LRRC63: variants seen among roughly 807,000 people sequenced by gnomAD.
The protein encoded by LRRC63 is leucine rich repeat containing 63, also known as leucine-rich repeat-containing protein 63.
A neutral mutation model predicts 49.5 loss-of-function variants in LRRC63; 40 were observed. The observed-to-expected ratio is 0.81, with a 90% confidence interval of 0.63 to 1.05. The LOEUF is 1.05. Ranked by LOEUF, LRRC63 falls within the 50% of genes least tolerant of loss-of-function variation. The pLI, the probability that LRRC63 is intolerant of heterozygous loss-of-function variation, is 0.00. For synonymous variants in LRRC63, 191 were observed against 221.1 expected (o/e 0.86, Z 1.21); for missense variants, 636 against 663.1 (o/e 0.96, Z 0.45).
At position 46,230,521 on chromosome 13, in the gene LRRC63, G is replaced by A. The variant is rs536215441; in HGVS notation, c.832+1788G>A. Among the ~76,000 whole-genome samples, 11 of 152,256 alleles carry A rather than the reference G, an allele frequency of 7.2e-5. No individual in the cohort carries two copies. The South Asian group carries it at 1.5e-3, about 20-fold the overall frequency. ...GCTTTCAGTCTATGGCTAAAGGCCC[G>A]AGAGCCCCTGGCAAACCACTGATGT... On this transcript the variant is annotated intron_variant, in intron 4 of 9. Coordinates refer to ENST00000595396, the Ensembl canonical transcript of LRRC63.
chr13:46,249,717 G>A (rs1264102155), intron 6 of LRRC63, among the ~76,000 whole-genome samples: 4 of 151,684 alleles, frequency 2.6e-5, no homozygotes, highest in Non-Finnish European at 4.4e-5. Flanking sequence ...ACCAATTTTG[G>A]ACCTTTATGA....
chr13:46,219,732 G>T (rs897238284), intron 2 of LRRC63, among the ~76,000 whole-genome samples: 13 of 152,266 alleles, frequency 8.5e-5, no homozygotes, highest in Middle Eastern at 3.4e-3. Flanking sequence ...CCTCATCTTC[G>T]TGGATTTATC....
At chr13:46,261,614 T>A (rs1322084111) in intron 7 of LRRC63, among the ~76,000 whole-genome samples, 1 of 151,716 alleles carries the variant, frequency 6.6e-6, no homozygotes, top group Non-Finnish European at 1.5e-5. Context: ...ATTATGGTAA[T>A]TTGTTAGGAA....
chr13:46,274,546 A>T (rs1173518011), intron 9 of LRRC63, among the ~76,000 whole-genome samples: 2 of 152,158 alleles, frequency 1.3e-5, no homozygotes, highest in Non-Finnish European at 2.9e-5. Context: ...TGTCCTGTAC[A>T]ACTTATCATT....
intron 5 of LRRC63, among the ~76,000 whole-genome samples, chr13:46,239,933 T>C (rs911535639): frequency 1.3e-5 from 2 of 152,120 alleles, no homozygotes; most frequent in African/African-American, 4.8e-5. Flanking sequence ...CAGAAAAGGC[T>C]TTTAATAAAA....
intron 7 of LRRC63, 85 bp from the exon 8 acceptor site, chr13:46,261,824 C>T: frequency 2.5e-6 from 1 of 395,410 alleles, no homozygotes. Context: ...GGTTTCTATA[C>T]TCCTGCCTAC....
chr13:46,221,955 GT>G (rs1485712469), intron 2 of LRRC63, among the ~76,000 whole-genome samples: 1 of 152,194 alleles, frequency 6.6e-6, no homozygotes, highest in Non-Finnish European at 1.5e-5. Context: ...CAGGCGTACA[GT>G]GAACAGCTGA....
chr13:46,244,810 TCAGA>T (rs2047167875), intron 5 of LRRC63, among the ~76,000 whole-genome samples: 1 of 151,872 alleles, frequency 6.6e-6, no homozygotes, highest in African/African-American at 2.4e-5. Flanking sequence ...CAGAAACAGA[TCAGA>T]CAAACAGAAA....
intron 2 of LRRC63, 41 bp downstream of exon 2, chr13:46,213,160 T>C: frequency 1.5e-6 from 2 of 1,309,188 alleles, no homozygotes; most frequent in East Asian, 5.1e-5. Context: ...CATTTATGTA[T>C]CTTTCATAGA....
intron 6 of LRRC63, among the ~76,000 whole-genome samples, chr13:46,248,146 T>G (rs2047269191): frequency 6.6e-6 from 1 of 151,972 alleles, no homozygotes; most frequent in Non-Finnish European, 1.5e-5. Flanking sequence ...AAACATTTAT[T>G]GAAGTCATAA....
intron 9 of LRRC63, among the ~76,000 whole-genome samples, chr13:46,268,976 AT>A (rs1256337599): frequency 7.7e-6 from 1 of 129,658 alleles, no homozygotes; most frequent in African/African-American, 2.9e-5. Flanking sequence ...TGTGCAAAAC[AT>A]TTATGGAAAA....
chr13:46,230,800 C>G (rs535353927), intron 4 of LRRC63, among the ~76,000 whole-genome samples: 1 of 152,174 alleles, frequency 6.6e-6, no homozygotes, highest in Non-Finnish European at 1.5e-5. Context: ...GCTTCCCTTT[C>G]GAATATAAAT....
At chr13:46,229,116 G>T (rs1004886045) in intron 4 of LRRC63, among the ~76,000 whole-genome samples, 1 of 152,084 alleles carries the variant, frequency 6.6e-6, no homozygotes. Context: ...CAAATATAGT[G>T]TGTGGCAAAT....
exon 4 of LRRC63, chr13:46,228,668 C>T (rs1173216187): frequency 6.5e-7 from 1 of 1,537,812 alleles, no homozygotes; most frequent in South Asian, 1.2e-5. Flanking sequence ...TTTCTAGAAA[C>T]TCTTGTAACA....
intron 8 of LRRC63, among the ~76,000 whole-genome samples, chr13:46,265,062 A>G (rs988140024): frequency 2.0e-5 from 3 of 152,082 alleles, no homozygotes; most frequent in African/African-American, 7.2e-5. Flanking sequence ...CGTGAGACTG[A>G]GTCAGGAGAA....
At chr13:46,261,295 G>A (rs1041974297) in intron 7 of LRRC63, among the ~76,000 whole-genome samples, 7 of 152,198 alleles carry the variant, frequency 4.6e-5, no homozygotes, top group Admixed American at 1.3e-4. Context: ...TGGAGATAGC[G>A]TCTTTGCAGA....
intron 7 of LRRC63, among the ~76,000 whole-genome samples, chr13:46,257,723 A>G (rs2047537702): frequency 6.6e-6 from 1 of 152,206 alleles, no homozygotes; most frequent in African/African-American, 2.4e-5. Flanking sequence ...AAATAAAACA[A>G]TTGGTTACTC....
At chr13:46,230,531 G>C (rs376415273) in intron 4 of LRRC63, among the ~76,000 whole-genome samples, 18 of 152,146 alleles carry the variant, frequency 1.2e-4, no homozygotes, top group African/African-American at 3.4e-4. Context: ...GAGAGCCCCT[G>C]GCAAACCACT....
chr13:46,254,177 T>C (rs1182133439), intron 7 of LRRC63, among the ~76,000 whole-genome samples: 1 of 152,182 alleles, frequency 6.6e-6, no homozygotes, highest in African/African-American at 2.4e-5. Context: ...TGGGTTGTGA[T>C]GGAATGGGAA....
Sources: gnomAD v4.1 joint callset for allele counts (sites outside exome capture counted in the v4.1 genomes callset) on GRCh38, gnomAD v4.1.1 for gene constraint, MANE v1.5 for transcripts, NCBI Gene and HGNC (gene_info 2026-07-23, HGNC 2026-07-21) for gene names.